ARHGAP35: variants seen among roughly 807,000 people sequenced by gnomAD.
ARHGAP35 encodes rho GTPase-activating protein 35.
A neutral mutation model predicts 111.1 loss-of-function variants in ARHGAP35; 15 were observed. The observed-to-expected ratio is 0.13, with a 90% CI of 0.09 to 0.21. ARHGAP35 has a LOEUF of 0.21. ARHGAP35 is among the 10% of genes least tolerant of loss of function. The probability of loss-of-function intolerance (pLI) is 1.00; values close to 1 mark genes in which losing one functional copy is unlikely to be tolerated. For missense variants in ARHGAP35, 1,262 were observed against 1,873.0 expected (o/e 0.67, Z 6.02); for synonymous variants, 643 against 710.3 (o/e 0.91, Z 1.51).
rs961722147 is a variant in ARHGAP35, at chr19:46,984,385, G to A, written c.3827-3604G>A. Among the ~76,000 whole-genome samples the A allele has an allele frequency of 4.6e-5, 7 of 152,138 alleles. No homozygotes were observed. In the South Asian group the frequency reaches 1.2e-3, roughly 27 times the overall value. On this transcript the variant is annotated intron_variant, in intron 3 of 6. Coordinates refer to ENST00000672722, the MANE Select transcript of ARHGAP35 (RefSeq NM_004491.5). The stretch of plus-strand genomic sequence containing the variant: ...TTAATATCCAGCATCTTTGCCAGGG[G>A]GTCTGCTCCAGGACCCCAGCCCTTT...
intron 3 of ARHGAP35, among the ~76,000 whole-genome samples, chr19:46,954,155 C>G (rs1051243308): frequency 6.6e-6 from 1 of 152,292 alleles, no homozygotes; most frequent in East Asian, 1.9e-4. Context: ...GCTGGCCCCT[C>G]GATCTTGGAC....
At chr19:46,941,106 G>A (rs1024182315) in intron 3 of ARHGAP35, among the ~76,000 whole-genome samples, 1 of 150,888 alleles carries the variant, frequency 6.6e-6, no homozygotes, top group East Asian at 1.9e-4. Context: ...GTTTTATGCT[G>A]CTTCAAGTAT....
intron 5 of ARHGAP35, among the ~76,000 whole-genome samples, chr19:46,998,187 T>C (rs2122361411): frequency 6.6e-6 from 1 of 152,094 alleles, no homozygotes. Context: ...ATGGCACACA[T>C]ATGTCTCCGG....
At chr19:46,868,993 C>T (rs563392063) in intron 1 of ARHGAP35, among the ~76,000 whole-genome samples, 177 of 143,398 alleles carry the variant, frequency 1.2e-3, no homozygotes, top group Non-Finnish European at 2.1e-3. Context: ...ACAACCTTCA[C>T]CTTCCAGGTT....
At chr19:46,892,823 C>T (rs1489613403) in intron 1 of ARHGAP35, among the ~76,000 whole-genome samples, 4 of 151,960 alleles carry the variant, frequency 2.6e-5, no homozygotes, top group African/African-American at 9.7e-5. Context: ...GCAATCAGGC[C>T]GGACCACTTG....
chr19:46,961,052 G>A (rs1285137914), intron 3 of ARHGAP35, among the ~76,000 whole-genome samples: 1 of 151,820 alleles, frequency 6.6e-6, no homozygotes, highest in Non-Finnish European at 1.5e-5. Context: ...CTGCCACCAC[G>A]CCCAGCTAAT....
chr19:46,935,047 T>C lies in ARHGAP35; in HGVS notation c.3682-2217T>C, dbSNP rs551581741. On this transcript the variant is annotated intron_variant, in intron 2 of 6. Coordinates refer to ENST00000672722, the MANE Select transcript of ARHGAP35 (RefSeq NM_004491.5). Reference sequence around the variant, plus strand: ...AGTATAGACTCGTTAAATTATTTCCTGTAAATGTATATCATACATCGTTAA... The same window carrying C: ...AGTATAGACTCGTTAAATTATTTCCCGTAAATGTATATCATACATCGTTAA... Among the ~76,000 whole-genome samples, 11 of 152,358 alleles carry C rather than the reference T, an allele frequency of 7.2e-5. No individual in the cohort carries two copies. In the East Asian group the frequency reaches 2.1e-3, roughly 29 times the overall value.
At chr19:46,895,448 A>G (rs544883327) in intron 1 of ARHGAP35, among the ~76,000 whole-genome samples, 3 of 152,264 alleles carry the variant, frequency 2.0e-5, no homozygotes, top group Non-Finnish European at 2.9e-5. Context: ...TACAGGCGTG[A>G]GCCACCGCGC....
chr19:46,900,659 T>C (rs546371548), intron 1 of ARHGAP35, among the ~76,000 whole-genome samples: 1 of 152,340 alleles, frequency 6.6e-6, no homozygotes, highest in South Asian at 2.1e-4. Flanking sequence ...GAGGTATTTA[T>C]TGAGCCAGCA....
chr19:46,879,593 A>AATAAATAAATAAATAG lies in ARHGAP35; in HGVS notation c.-189+18399_-189+18400insGATAAATAAATAAATA, dbSNP rs1398985992. ...CAGAGTGAGACTCCATCTCAAAATA[A>AATAAATAAATAAATAG]ATAAATAAATAAATAAATAAATAAA... On this transcript the variant is annotated intron_variant, in intron 1 of 6. Transcript: ENST00000672722. Among the ~76,000 whole-genome samples the AATAAATAAATAAATAG allele has an allele frequency of 6.8e-3, 1,005 of 147,290 alleles. 12 individuals are homozygous for AATAAATAAATAAATAG. Among genetic ancestry groups the AATAAATAAATAAATAG allele is most frequent in the Middle Eastern group, 0.021 (6 of 284 alleles).
In ARHGAP35 at chr19:46,921,399, G is replaced by T. The variant is rs781454606; in HGVS notation, c.2724G>T (p.Gly908=). Reference sequence around the variant, plus strand: ...TAAGTAGGGAACAGCTAACTGAGGGGGAGGAGATTGCTCAAGAAATTGACG... The same window carrying T: ...TAAGTAGGGAACAGCTAACTGAGGGTGAGGAGATTGCTCAAGAAATTGACG... ...NDLSREQLTE[G]EEIAQEIDGR... is the part of the protein sequence containing the mutation. The change falls in exon 2 of 7, where the codon GGG becomes GGT. Residue 908 remains glycine, a synonymous_variant. Coordinates refer to ENST00000672722, the MANE Select transcript of ARHGAP35 (RefSeq NM_004491.5). The surrounding 1 kb of genome is among the most constrained non-coding windows in gnomAD (Gnocchi z 4.3). 6.2e-7 allele frequency: 1 copy of T among 1,613,842 alleles called. No homozygotes were observed. Among genetic ancestry groups the T allele is most frequent in the African/African-American group, 1.3e-5 (1 of 74,886 alleles).
In ARHGAP35 at chr19:46,977,183, C is replaced by T. The variant is rs147823302; in HGVS notation, c.3827-10806C>T. ...CCCTGTGGGGACTCCCAGCCACAGC[C>T]AAACCATGGCTCTGCCCTGTAAAAG... On this transcript the variant is annotated intron_variant, in intron 3 of 6. Coordinates refer to ENST00000672722, the MANE Select transcript of ARHGAP35 (RefSeq NM_004491.5). 9.8e-5 allele frequency among the ~76,000 whole-genome samples: 15 copies of T among 152,332 alleles called. 1 individual carries two copies. The highest frequency in any genetic ancestry group is 3.6e-4 in the African/African-American group (15 of 41,580).
intron 1 of ARHGAP35, among the ~76,000 whole-genome samples, chr19:46,872,741 C>T (rs1484483147): frequency 1.3e-5 from 2 of 151,660 alleles, no homozygotes; most frequent in Non-Finnish European, 2.9e-5. Flanking sequence ...ATTAGCCGGG[C>T]ATGGTGGCAG....
At chr19:46,980,819 A>G (rs951012926) in intron 3 of ARHGAP35, among the ~76,000 whole-genome samples, 1 of 152,242 alleles carries the variant, frequency 6.6e-6, no homozygotes, top group Non-Finnish European at 1.5e-5. Context: ...CCACTTGCCA[A>G]CCAGCTTTCC....
At chr19:46,965,776 C>T (rs2056511798) in intron 3 of ARHGAP35, among the ~76,000 whole-genome samples, 1 of 152,188 alleles carries the variant, frequency 6.6e-6, no homozygotes, top group South Asian at 2.1e-4. Flanking sequence ...TGAACTGCTG[C>T]ACTCGGCCTG....
intron 1 of ARHGAP35, among the ~76,000 whole-genome samples, chr19:46,894,285 GA>G (rs2122157165): frequency 6.6e-6 from 1 of 152,232 alleles, no homozygotes; most frequent in South Asian, 2.1e-4. Context: ...TTCTTACCTT[GA>G]GGTTAGTTTT....
chr19:46,873,101 G>A (rs1408124569), intron 1 of ARHGAP35, among the ~76,000 whole-genome samples: 1 of 152,118 alleles, frequency 6.6e-6, no homozygotes, highest in African/African-American at 2.4e-5. Flanking sequence ...CTGGCCCAGA[G>A]TCTCTGCTCT....
chr19:46,881,814 C>A (rs1026998782), intron 1 of ARHGAP35, among the ~76,000 whole-genome samples: 1 of 152,216 alleles, frequency 6.6e-6, no homozygotes, highest in African/African-American at 2.4e-5. Flanking sequence ...TAGATGGCAT[C>A]TTTTTCCAAC....
At chr19:46,959,962 T>G (rs2056468864) in intron 3 of ARHGAP35, among the ~76,000 whole-genome samples, 1 of 150,732 alleles carries the variant, frequency 6.6e-6, no homozygotes, top group Non-Finnish European at 1.5e-5. Context: ...TTTTTTTAGT[T>G]AGCCATGCAT....
Sources: gnomAD v4.1 joint callset for allele counts (sites outside exome capture counted in the v4.1 genomes callset) on GRCh38, gnomAD v4.1.1 for gene constraint, Gnocchi (gnomAD v3.1) non-coding constraint, MANE v1.5 for transcripts, NCBI Gene and HGNC (gene_info 2026-07-23, HGNC 2026-07-21) for gene names.